Variants in DHRS3 observed in about 807,000 individuals in gnomAD.
The protein encoded by DHRS3 is dehydrogenase/reductase 3, also known as short-chain dehydrogenase/reductase 3.
In DHRS3, 14 loss-of-function variants were observed where a neutral mutation model predicts 27.2. The observed-to-expected ratio is 0.52, with a 90% CI of 0.34 to 0.81. DHRS3 has a LOEUF of 0.81. Ranked by LOEUF, DHRS3 falls within the 30% of genes least tolerant of loss-of-function variation. The pLI, the probability that DHRS3 is intolerant of heterozygous loss-of-function variation, is 0.01. For missense variants in DHRS3, 322 were observed against 406.2 expected, an observed-to-expected ratio of 0.79 and a Z score of 1.78; for synonymous variants, 165 against 175.9, an observed-to-expected ratio of 0.94 and a Z score of 0.49.
chr1:12,604,353 A>T (rs187220913), intron 1 of DHRS3, among the ~76,000 whole-genome samples: 432 of 152,324 alleles, frequency 2.8e-3, no homozygotes, highest in South Asian at 0.014. Context: ...AAGAAATTCA[A>T]CTGTGCTATT....
chr1:12,610,634 T>C (rs1646902978), intron 1 of DHRS3, among the ~76,000 whole-genome samples: 1 of 152,232 alleles, frequency 6.6e-6, no homozygotes, highest in East Asian at 1.9e-4. Context: ...GTGCTCATTT[T>C]CAGATTCTAA....
chr1:12,599,703 A>C (rs900618685), intron 1 of DHRS3, among the ~76,000 whole-genome samples: 1 of 152,212 alleles, frequency 6.6e-6, no homozygotes, highest in African/African-American at 2.4e-5. Context: ...TCTGCCTGGG[A>C]TATTTTCCTT....
At chr1:12,584,093 T>C (rs1646671523) in intron 1 of DHRS3, among the ~76,000 whole-genome samples, 1 of 152,122 alleles carries the variant, frequency 6.6e-6, no homozygotes, top group Non-Finnish European at 1.5e-5. Flanking sequence ...AACAGGACCA[T>C]GGGGCTTGCA....
intron 1 of DHRS3, among the ~76,000 whole-genome samples, chr1:12,597,514 C>A (rs1006538771): frequency 6.6e-6 from 1 of 152,226 alleles, no homozygotes; most frequent in Non-Finnish European, 1.5e-5. Context: ...GCTTTCTTGT[C>A]TTTGCAGCAC....
intron 1 of DHRS3, among the ~76,000 whole-genome samples, chr1:12,613,103 A>G (rs997204802): frequency 3.3e-5 from 5 of 151,580 alleles, no homozygotes; most frequent in Non-Finnish European, 7.4e-5. Context: ...CACACACAGC[A>G]AGGAAGGCCA....
chr1:12,581,985 A>G (rs946039344), intron 1 of DHRS3, among the ~76,000 whole-genome samples: 5 of 152,250 alleles, frequency 3.3e-5, no homozygotes, highest in African/African-American at 4.8e-5. Flanking sequence ...AACCTAGAAA[A>G]GGAATAAAAC....
At chr1:12,583,441 CAT>C in intron 1 of DHRS3, among the ~76,000 whole-genome samples, 1 of 146,616 alleles carries the variant, frequency 6.8e-6, no homozygotes, top group Non-Finnish European at 1.5e-5. Context: ...TCCATCCATC[CAT>C]CCACTCACCT....
In DHRS3 at chr1:12,617,192, G is replaced by C; in HGVS notation, c.157C>G (p.Gln53Glu). 5 of 1,612,944 alleles carry C rather than the reference G, an allele frequency of 3.1e-6. No homozygotes were observed. Among genetic ancestry groups the C allele is most frequent in the Non-Finnish European group, 4.2e-6 (5 of 1,179,806 alleles). ...CGCTCCGCGAACTCGCGGGCGAGCT[G>C]ACGCCCGATGCCTCTCCCGCCGCCG... Reference protein sequence around the residue: ...ITGGGRGIGRQLAREFAERGA... With the variant: ...ITGGGRGIGRELAREFAERGA... Residue 53 changes from glutamine (Q) to glutamate (E), a missense_variant, in exon 1 of 6, where the codon CAG becomes GAG. Physicochemically the swap from Gln to Glu is conservative, Grantham distance 29. Coordinates refer to ENST00000616661, the MANE Select transcript of DHRS3 (RefSeq NM_004753.7).
intron 1 of DHRS3, among the ~76,000 whole-genome samples, chr1:12,587,919 T>C (rs1308374081): frequency 6.6e-6 from 1 of 152,160 alleles, no homozygotes; most frequent in Non-Finnish European, 1.5e-5. Context: ...TCTATTCACA[T>C]CTCTCTTCCT....
intron 1 of DHRS3, among the ~76,000 whole-genome samples, chr1:12,598,972 TTCAGAGGTC>T (rs1646818027): frequency 6.6e-6 from 1 of 152,178 alleles, no homozygotes; most frequent in African/African-American, 2.4e-5. Context: ...CAACATGAAA[TTCAGAGGTC>T]ACTGAGCTGG....
intron 1 of DHRS3, among the ~76,000 whole-genome samples, chr1:12,582,028 G>T (rs1320233202): frequency 6.6e-6 from 1 of 152,126 alleles, no homozygotes; most frequent in Non-Finnish European, 1.5e-5. Context: ...TACTCTAAAG[G>T]TTGCTAATGA....
chr1:12,618,201 G>T lies in DHRS3; in HGVS notation c.-853C>A, dbSNP rs993980692. On this transcript the variant is annotated 5_prime_UTR_variant, in exon 1 of 6. Transcript: ENST00000616661. This position sits in a 1 kb window ranked among gnomAD's most constrained non-coding sequence, Gnocchi z 4.2. ...TGGAGAGGGTCCGGGTGTGGAGCGC[G>T]CGTGGATCGGACGCCTTGGTCTGCG... Among the ~76,000 whole-genome samples, 1 of 152,112 alleles carries T rather than the reference G, an allele frequency of 6.6e-6. No homozygotes were observed. Among genetic ancestry groups the T allele is most frequent in the Non-Finnish European group, 1.5e-5 (1 of 68,008 alleles).
intron 1 of DHRS3, among the ~76,000 whole-genome samples, chr1:12,613,601 A>T (rs1357075894): frequency 6.6e-6 from 1 of 152,126 alleles, no homozygotes; most frequent in African/African-American, 2.4e-5. Flanking sequence ...GGGGTTCATA[A>T]ATCTACTCAC....
At chr1:12,576,290 T>A (rs368358383) in intron 4 of DHRS3, among the ~76,000 whole-genome samples, 2 of 151,576 alleles carry the variant, frequency 1.3e-5, no homozygotes, top group African/African-American at 4.8e-5. Flanking sequence ...CGGCTGGGCG[T>A]GGTGGCTCAC....
At chr1:12,616,149 C>T (rs1396424764) in intron 1 of DHRS3, among the ~76,000 whole-genome samples, 3 of 152,216 alleles carry the variant, frequency 2.0e-5, no homozygotes, top group East Asian at 1.9e-4. Flanking sequence ...CCAAGGTATG[C>T]GGCTCCATGT....
chr1:12,596,280 TCTC>T (rs1267556136), intron 1 of DHRS3: 2 of 151,990 alleles, frequency 1.3e-5, no homozygotes, highest in Non-Finnish European at 2.9e-5. Context: ...GGGGGCAGCC[TCTC>T]CTCTAGGGTC....
At chr1:12,588,450 G>T (rs553694701) in intron 1 of DHRS3, among the ~76,000 whole-genome samples, 1 of 152,310 alleles carries the variant, frequency 6.6e-6, no homozygotes, top group African/African-American at 2.4e-5. Context: ...GAGCAGATCT[G>T]CCTGACTCAG....
At chr1:12,615,898 A>C (rs2100732696) in intron 1 of DHRS3, among the ~76,000 whole-genome samples, 2 of 152,272 alleles carry the variant, frequency 1.3e-5, no homozygotes, top group Middle Eastern at 6.8e-3. Context: ...AAACCACCCA[A>C]GGAGAAGAGG....
At chr1:12,577,292 G>A (rs887909016) in intron 4 of DHRS3, among the ~76,000 whole-genome samples, 4 of 152,096 alleles carry the variant, frequency 2.6e-5, no homozygotes, top group African/African-American at 7.2e-5. Context: ...TACCACACAC[G>A]GTGTTCCCTG....
Sources: allele counts gnomAD v4.1 joint callset (sites outside exome capture counted in the v4.1 genomes callset), GRCh38; gene constraint gnomAD v4.1.1; non-coding constraint Gnocchi (gnomAD v3.1); transcripts MANE v1.5; gene names NCBI Gene and HGNC (gene_info 2026-07-23, HGNC 2026-07-21).